The following MYRF variants were observed in gnomAD, a reference collection of about 807,000 sequenced individuals.
MYRF encodes the protein myelin regulatory factor, also known as myelin gene regulatory factor.
A neutral mutation model predicts 126.3 loss-of-function variants in MYRF; 16 were observed. The observed-to-expected ratio is 0.13, with a 90% CI of 0.09 to 0.19. The LOEUF is 0.19. Ranked by LOEUF, MYRF falls within the 10% of genes least tolerant of loss-of-function variation. The pLI, the probability that MYRF is intolerant of heterozygous loss-of-function variation, is 1.00. For missense variants in MYRF, 1,104 were observed against 1,547.0 expected (o/e 0.71, Z 4.80); for synonymous variants, 608 against 635.3 (o/e 0.96, Z 0.65).
intron 1 of MYRF, among the ~76,000 whole-genome samples, chr11:61,760,524 C>A (rs1404459221): frequency 6.6e-6 from 1 of 152,160 alleles, no homozygotes; most frequent in Non-Finnish European, 1.5e-5. Context: ...GCTGACCATG[C>A]CTCAGAGGGA....
chr11:61,781,784 C>A lies in MYRF; in HGVS notation c.2976C>A (p.Ser992Arg). Residue 992 changes from serine (S) to arginine (R), a missense_variant, in exon 22 of 27, where the codon AGC (serine) becomes AGA (arginine). Transcript: ENST00000278836. ...CCCGCCGAGGGGCCCTCCAGTCCAG[C>A]GTGGGCCCTGCTGAGCCCACCTGGG... Reference protein sequence around the residue: ...GRARRGALQSSVGPAEPTWAQ... With the variant: ...GRARRGALQSRVGPAEPTWAQ... The A allele has an allele frequency of 6.2e-7, 1 of 1,602,690 alleles. No homozygotes were observed. Among genetic ancestry groups the A allele is most frequent in the Non-Finnish European group, 8.5e-7 (1 of 1,175,562 alleles).
At chr11:61,763,826 C>G (rs993260348) in intron 1 of MYRF, among the ~76,000 whole-genome samples, 4 of 151,992 alleles carry the variant, frequency 2.6e-5, no homozygotes, top group Non-Finnish European at 5.9e-5. Flanking sequence ...GATTGCACCA[C>G]TGCACTCCAG....
Position 61,783,995 on chromosome 11 carries a change from C to T in MYRF, c.3194+70C>T. 3 of 1,506,298 alleles carry T rather than the reference C, an allele frequency of 2.0e-6. No individual in the cohort carries two copies. Among genetic ancestry groups the T allele is most frequent in the East Asian group, 2.4e-5 (1 of 41,372 alleles). The allele number at this position is 1,506,298 out of a possible 1,614,324, so 93.3% of individuals were successfully genotyped here. ...GAGAATCTCCCGCAGAGCCTCAGAA[C>T]AGCCGAGTCTGAGGACAGCCGGAGA... On this transcript the variant is annotated intron_variant, in intron 24 of 26. Coordinates refer to ENST00000278836, the MANE Select transcript of MYRF (RefSeq NM_001127392.3). This position sits in a 1 kb window ranked among gnomAD's most constrained non-coding sequence, Gnocchi z 4.6.
Position 61,765,409 on chromosome 11 carries a change from C to G in MYRF, c.47-216C>G, listed in dbSNP as rs571082579. Among the ~76,000 whole-genome samples, 38 of 152,242 alleles carry G rather than the reference C, an allele frequency of 2.5e-4. 1 individual carries two copies. The highest frequency in any genetic ancestry group is 8.7e-4 in the African/African-American group (36 of 41,536). On this transcript the variant is annotated intron_variant, in intron 1 of 26. Transcript: ENST00000278836. ...TCTCCTCCTCTGAGACTCAAGGTGGCCTTGTGGTGGGGCGGGGGGGCATTA... is the reference window on the plus strand; with the variant it reads ...TCTCCTCCTCTGAGACTCAAGGTGGGCTTGTGGTGGGGCGGGGGGGCATTA...
rs754871461 is a variant in MYRF at position 61,757,618 on chromosome 11, C to G, written c.46+4828C>G. Reference sequence around the variant, plus strand: ...TGGCCCAGCGTGGCCTGGTCCTGGTCCCTGGCACATCCAGTGGGGCCCGCC... The same window carrying G: ...TGGCCCAGCGTGGCCTGGTCCTGGTGCCTGGCACATCCAGTGGGGCCCGCC... On this transcript the variant is annotated intron_variant, in intron 1 of 26. Transcript: ENST00000278836. The surrounding 1 kb of genome is among the most constrained non-coding windows in gnomAD (Gnocchi z 4.7). 5 of 451,124 alleles carry G rather than the reference C, an allele frequency of 1.1e-5. No homozygotes were observed. The highest frequency in any genetic ancestry group is 2.2e-5 in the Non-Finnish European group (5 of 223,868). 27.9% of individuals were successfully genotyped at this position (451,124 alleles called of 1,614,324 possible). A position where few individuals can be genotyped will look rare whatever the true frequency, so the allele number is the denominator to read the frequency against.
At position 61,783,451 on chromosome 11, in the gene MYRF, G is replaced by A; in HGVS notation, c.3017-47G>A. ...AAGTCTGGCAAGGAAAGACTTGCCAGCTTCTCATTTGTGTCCTGCCTTGTC... is the reference window on the plus strand; with the variant it reads ...AAGTCTGGCAAGGAAAGACTTGCCAACTTCTCATTTGTGTCCTGCCTTGTC... On this transcript the variant is annotated intron_variant, in intron 22 of 26. Transcript: ENST00000278836. The surrounding 1 kb of genome is among the most constrained non-coding windows in gnomAD (Gnocchi z 4.6). The A allele has an allele frequency of 6.8e-7, 1 of 1,467,660 alleles. No individual in the cohort carries two copies. Among genetic ancestry groups the A allele is most frequent in the South Asian group, 1.1e-5 (1 of 87,682 alleles). The allele number at this position is 1,467,660 out of a possible 1,614,324, so 90.9% of individuals were successfully genotyped here. A position where few individuals can be genotyped will look rare whatever the true frequency, so the allele number is the denominator to read the frequency against.
At chr11:61,769,707 C>T (rs891995603) in intron 4 of MYRF, among the ~76,000 whole-genome samples, 7 of 152,148 alleles carry the variant, frequency 4.6e-5, no homozygotes, top group Admixed American at 2.0e-4. Context: ...AGAACCACCG[C>T]GGGAGCAGGC....
At chr11:61,764,148 G>T (rs959918433) in intron 1 of MYRF, among the ~76,000 whole-genome samples, 1 of 152,176 alleles carries the variant, frequency 6.6e-6, no homozygotes, top group Admixed American at 6.5e-5. Context: ...CAGCAGGAGG[G>T]CCCTGGCCTG....
chr11:61,766,190 A>G lies in MYRF; in HGVS notation c.367A>G (p.Lys123Glu). The change falls in exon 3 of 27, where the codon AAG (lysine) becomes GAG (glutamate). Residue 123 changes from lysine (K) to glutamate (E), a missense_variant. By Grantham distance (56) the Lys-to-Glu change is moderately conservative. Around this residue, in one of 10 missense-constraint regions of MYRF, gnomAD observed 368 missense variants for 403.9 expected, o/e 0.91. Transcript: ENST00000278836. ...CCCGGGGGGCACCGGGCCCCCCATC[A>G]AGGCTGAGCCCAAGGCTCCCTATGC... ...PFPGGTGPPI[K>E]AEPKAPYAPG... The G allele has an allele frequency of 6.2e-7, 1 of 1,610,534 alleles. No homozygotes were observed. The highest frequency in any genetic ancestry group is 8.5e-7 in the Non-Finnish European group (1 of 1,179,294).
Position 61,779,337 on chromosome 11 carries a change from T to G in MYRF, c.2088T>G (p.Ile696Met). The G allele has an allele frequency of 1.3e-6, 2 of 1,551,098 alleles. No homozygotes were observed. The highest frequency in any genetic ancestry group is 1.7e-6 in the Non-Finnish European group (2 of 1,146,910). ...TGACAGACAACCTGGAGACGCGCAT[T>G]GATGAGCTGGAGCGCTGGAGCCACA... ...CKLTDNLETR[I>M]DELERWSHKL... The change falls in exon 15 of 27, where the codon ATT (isoleucine) becomes ATG (methionine). Residue 696 changes from isoleucine (I) to methionine (M), a missense_variant. Around this residue, in one of 10 missense-constraint regions of MYRF, gnomAD observed 123 missense variants for 209.1 expected, o/e 0.59. Transcript: ENST00000278836.
rs2065781603 is a variant in MYRF, at chr11:61,757,237, G to A, written c.46+4447G>A. The A allele has an allele frequency of 2.2e-6, 1 of 456,698 alleles. No homozygotes were observed. Among genetic ancestry groups the A allele is most frequent in the Non-Finnish European group, 4.4e-6 (1 of 226,962 alleles). The allele number at this position is 456,698 out of a possible 1,614,324, so 28.3% of individuals were successfully genotyped here. A position where few individuals can be genotyped will look rare whatever the true frequency, so the allele number is the denominator to read the frequency against. On this transcript the variant is annotated intron_variant, in intron 1 of 26. Coordinates refer to ENST00000278836, the MANE Select transcript of MYRF (RefSeq NM_001127392.3). The surrounding 1 kb of genome is among the most constrained non-coding windows in gnomAD (Gnocchi z 4.7). ...GGGTACCTCTTGGTTGGGTCTCGGG[G>A]TAGGATGATGTAATGGTTCTGTGCA...
chr11:61,762,947 C>T (rs1308663059), intron 1 of MYRF, among the ~76,000 whole-genome samples: 1 of 152,158 alleles, frequency 6.6e-6, no homozygotes, highest in African/African-American at 2.4e-5. Context: ...GTTAGGGTCT[C>T]CCAGGATGCC....
chr11:61,756,234 G>T lies in MYRF; in HGVS notation c.46+3444G>T, dbSNP rs371568457. 6.6e-5 allele frequency among the ~76,000 whole-genome samples: 10 copies of T among 152,264 alleles called. No homozygotes were observed. In the East Asian group the frequency reaches 1.7e-3, roughly 27 times the overall value. ...GGCGCTGGCTGAGGCTCAGAGAGAA[G>T]GGAGTTGGCCAGAGTTAGCCAGAGT... On this transcript the variant is annotated intron_variant, in intron 1 of 26. Coordinates refer to ENST00000278836, the MANE Select transcript of MYRF (RefSeq NM_001127392.3).
chr11:61,752,853 C>A, intron 1 of MYRF, 63 bp downstream of exon 1: 1 of 1,412,400 alleles, frequency 7.1e-7, no homozygotes, highest in Non-Finnish European at 9.4e-7. Context: ...CTGATCTCCC[C>A]GGGAACTGGG....
chr11:61,756,734 G>A (rs898088977), intron 1 of MYRF, among the ~76,000 whole-genome samples: 1 of 152,038 alleles, frequency 6.6e-6, no homozygotes, highest in Non-Finnish European at 1.5e-5. Flanking sequence ...GAGGGCCTGG[G>A]GTCAGTGCAG....
In MYRF at chr11:61,754,976, A is replaced by C. The variant is rs540744986; in HGVS notation, c.46+2186A>C. ...AGTGTGTGAAGTGCGAGGGAGCGGGAAGTTGTGCTTTTGAGCCGTGGCTGC... is the reference window on the plus strand; with the variant it reads ...AGTGTGTGAAGTGCGAGGGAGCGGGCAGTTGTGCTTTTGAGCCGTGGCTGC... On this transcript the variant is annotated intron_variant, in intron 1 of 26. Transcript: ENST00000278836. Among the ~76,000 whole-genome samples, 4 of 152,072 alleles carry C rather than the reference A, an allele frequency of 2.6e-5. No individual in the cohort carries two copies. The South Asian group carries it at 8.3e-4, about 32-fold the overall frequency.
Position 61,786,020 on chromosome 11 carries a change from C to G in MYRF, c.3376-43C>G. 5.6e-6 allele frequency: 9 copies of G among 1,599,944 alleles called. No individual in the cohort carries two copies. The highest frequency in any genetic ancestry group is 7.7e-6 in the Non-Finnish European group (9 of 1,167,148). ...TCAGCAGGGAGTGCCATCTGCCCCG[C>G]ACCCCCAGAGCCACCTCACCTTCCC... On this transcript the variant is annotated intron_variant, in intron 26 of 26. Coordinates refer to ENST00000278836, the MANE Select transcript of MYRF (RefSeq NM_001127392.3). The surrounding 1 kb of genome is among the most constrained non-coding windows in gnomAD (Gnocchi z 4.5).
intron 1 of MYRF, among the ~76,000 whole-genome samples, chr11:61,764,738 G>A (rs940785198): frequency 1.3e-5 from 2 of 152,188 alleles, no homozygotes; most frequent in African/African-American, 4.8e-5. Flanking sequence ...CACCTCCCCC[G>A]TCCTCCCTCA....
intron 3 of MYRF, chr11:61,767,270 G>A: frequency 2.2e-6 from 1 of 456,758 alleles, no homozygotes; most frequent in African/African-American, 2.0e-5. Context: ...GGCAGAGGGA[G>A]GAGAACTAAC....
Sources: gnomAD v4.1 joint callset for allele counts (sites outside exome capture counted in the v4.1 genomes callset) on GRCh38, gnomAD v4.1.1 for gene constraint, gnomAD v4.1.1 regional missense constraint, Gnocchi (gnomAD v3.1) non-coding constraint, MANE v1.5 for transcripts, NCBI Gene and HGNC (gene_info 2026-07-23, HGNC 2026-07-21) for gene names.